Variants in MARCHF6 observed in about 807,000 individuals in gnomAD.
The protein encoded by MARCHF6 is E3 ubiquitin-protein ligase MARCHF6.
A neutral mutation model predicts 133.7 loss-of-function variants in MARCHF6; 31 were observed. The observed-to-expected ratio is 0.23, with a 90% CI of 0.17 to 0.31. MARCHF6 has a LOEUF of 0.31. MARCHF6 is among the 10% of genes least tolerant of loss of function. MARCHF6 has a pLI of 1.00. For missense variants in MARCHF6, 723 were observed against 1,121.6 expected (o/e 0.64, Z 5.08); for synonymous variants, 395 against 402.5 (o/e 0.98, Z 0.22).
intron 1 of MARCHF6, among the ~76,000 whole-genome samples, chr5:10,363,471 T>C (rs891277379): frequency 1.3e-5 from 2 of 152,214 alleles, no homozygotes; most frequent in Non-Finnish European, 2.9e-5. Context: ...CTAGGATGGC[T>C]ATAATCAGAA....
intron 1 of MARCHF6, among the ~76,000 whole-genome samples, chr5:10,354,157 G>A (rs1735292459): frequency 6.6e-6 from 1 of 151,912 alleles, no homozygotes; most frequent in Non-Finnish European, 1.5e-5. Context: ...GCCGGGGCCG[G>A]GGTCGGGGCC....
At chr5:10,360,146 T>TG (rs1467161451) in intron 1 of MARCHF6, among the ~76,000 whole-genome samples, 2 of 139,888 alleles carry the variant, frequency 1.4e-5, no homozygotes, top group African/African-American at 2.7e-5. Context: ...GTGTGTGTGT[T>TG]TTTTTTTTTT....
At chr5:10,393,325 T>A (rs1737986823) in intron 7 of MARCHF6, among the ~76,000 whole-genome samples, 1 of 152,204 alleles carries the variant, frequency 6.6e-6, no homozygotes, top group East Asian at 1.9e-4. Context: ...TCCTCCTGCC[T>A]CAGCCTCCCA....
At chr5:10,407,065 C>T in intron 16 of MARCHF6, 37 bp from the exon 17 acceptor site, 1 of 1,172,376 alleles carries the variant, frequency 8.5e-7, no homozygotes, top group Non-Finnish European at 1.3e-6. Context: ...GAGTGATTGA[C>T]TCTTATAGTG....
In MARCHF6 at chr5:10,399,675, A is replaced by G. The variant is rs575903833; in HGVS notation, c.914-1109A>G. 2.6e-5 allele frequency among the ~76,000 whole-genome samples: 4 copies of G among 152,278 alleles called. No individual in the cohort carries two copies. The South Asian group carries it at 6.2e-4, about 24-fold the overall frequency. ...AGAATTTGGTATTTCCTAATAATCC[A>G]TCATATTCAAACTCTCTGGGTTGTC... On this transcript the variant is annotated intron_variant, in intron 10 of 25. Transcript: ENST00000274140.
intron 5 of MARCHF6, among the ~76,000 whole-genome samples, chr5:10,388,798 C>T (rs1170337964): frequency 1.3e-5 from 2 of 152,174 alleles, no homozygotes; most frequent in Non-Finnish European, 2.9e-5. Context: ...CGCCTCTGTC[C>T]AGGATTCACA....
intron 1 of MARCHF6, among the ~76,000 whole-genome samples, chr5:10,363,896 A>G (rs565068962): frequency 6.6e-6 from 1 of 152,344 alleles, no homozygotes; most frequent in Non-Finnish European, 1.5e-5. Flanking sequence ...TGAAATGTCC[A>G]GAATAGGCAA....
At position 10,399,797 on chromosome 5, in the gene MARCHF6, TA is replaced by T. The variant is rs574918761; in HGVS notation, c.914-985del. The stretch of plus-strand genomic sequence containing the variant: ...GTTAAGTTATAAGTTATTAGTCTTT[TA>T]ATCTAGAGTACTCTTCTCTTTGCTT... On this transcript the variant is annotated intron_variant, in intron 10 of 25. Coordinates refer to ENST00000274140, the MANE Select transcript of MARCHF6 (RefSeq NM_005885.4). 1.7e-4 allele frequency among the ~76,000 whole-genome samples: 26 copies of T among 152,302 alleles called. No homozygotes were observed. The East Asian group carries it at 5.0e-3, about 29-fold the overall frequency.
rs1740711970 is a variant in MARCHF6 at position 10,437,864 on chromosome 5, T to A, written c.*4180T>A. The A allele has an allele frequency of 6.6e-6, 1 of 152,428 alleles. No homozygotes were observed. 9.4% of individuals were successfully genotyped at this position (152,428 alleles called of 1,614,324 possible). A position where few individuals can be genotyped will look rare whatever the true frequency, so the allele number is the denominator to read the frequency against. On this transcript the variant is annotated 3_prime_UTR_variant, in exon 26 of 26. Coordinates refer to ENST00000274140, the MANE Select transcript of MARCHF6 (RefSeq NM_005885.4). ...TGTTAATTGTAGTCTAGTTTTTTTG[T>A]TTGTTTTTGTGTTATTGCAAGATTG...
chr5:10,405,666 A>G lies in MARCHF6; in HGVS notation c.1441A>G (p.Ile481Val). The change falls in exon 16 of 26, where the codon ATT becomes GTT. Residue 481 changes from isoleucine (I) to valine (V), a missense_variant. Ile to Val is a conservative substitution (Grantham distance 29, BLOSUM62 3). This residue lies in a region of MARCHF6 where 492 missense variants were observed against 699.5 expected (regional missense o/e 0.70). Coordinates refer to ENST00000274140, the MANE Select transcript of MARCHF6 (RefSeq NM_005885.4). ...AATATATAGGCATCTCCGAAGATTT[A>G]TTTTGTCAGTGGTAAGAAGATGTTT... is the stretch of plus-strand genomic sequence containing the variant. Reference protein sequence around the residue: ...LPIYRHLRRFILSVIVFGSIV... With the variant: ...LPIYRHLRRFVLSVIVFGSIV... 1 of 1,586,228 alleles carries G rather than the reference A, an allele frequency of 6.3e-7. No individual in the cohort carries two copies.
At chr5:10,408,078 A>C (rs1739015550) in intron 17 of MARCHF6, among the ~76,000 whole-genome samples, 1 of 152,012 alleles carries the variant, frequency 6.6e-6, no homozygotes, top group African/African-American at 2.4e-5. Context: ...TTGCAGGCAA[A>C]TTGGATTATT....
intron 24 of MARCHF6, among the ~76,000 whole-genome samples, chr5:10,427,974 G>A (rs1740177388): frequency 6.6e-6 from 1 of 152,134 alleles, no homozygotes; most frequent in Admixed American, 6.5e-5. Context: ...GCAGGCTGAT[G>A]CAGGAGGATT....
rs1156939698 is a variant in MARCHF6, at chr5:10,360,305, A to T, written c.19+6388A>T. Among the ~76,000 whole-genome samples, 5 of 151,638 alleles carry T rather than the reference A, an allele frequency of 3.3e-5. No individual in the cohort carries two copies. In the South Asian group the frequency reaches 1.0e-3, roughly 32 times the overall value. ...GCTGGGATTACAGGCATGCACCACC[A>T]TGCCTGGCTAATTTTGTATTTTTCG... On this transcript the variant is annotated intron_variant, in intron 1 of 25. Coordinates refer to ENST00000274140, the MANE Select transcript of MARCHF6 (RefSeq NM_005885.4).
intron 1 of MARCHF6, among the ~76,000 whole-genome samples, chr5:10,374,084 TTC>T (rs1218702956): frequency 1.3e-5 from 2 of 151,772 alleles, no homozygotes; most frequent in East Asian, 3.9e-4. Context: ...CTCAATTTGA[TTC>T]TGCAGAGAGA....
chr5:10,407,960 C>G lies in MARCHF6; in HGVS notation c.1553+758C>G, dbSNP rs926799523. Among the ~76,000 whole-genome samples the G allele has an allele frequency of 9.3e-4, 132 of 141,736 alleles. 1 individual carries two copies. The highest frequency in any genetic ancestry group is 1.7e-3 in the Non-Finnish European group (107 of 64,268). 93.0% of individuals were successfully genotyped at this position (141,736 alleles called of 152,430 possible). ...AACAAGAGTGAAACTGCATCCCCCC[C>G]CCCCCAAAAAAAAAAGCCATCCGGA... is the stretch of plus-strand genomic sequence containing the variant. On this transcript the variant is annotated intron_variant, in intron 17 of 25. Transcript: ENST00000274140.
intron 24 of MARCHF6, among the ~76,000 whole-genome samples, chr5:10,428,790 T>C (rs1053338207): frequency 6.6e-6 from 1 of 152,232 alleles, no homozygotes; most frequent in African/African-American, 2.4e-5. Context: ...TAATAGTATA[T>C]AGACTTAAGA....
intron 1 of MARCHF6, among the ~76,000 whole-genome samples, chr5:10,369,613 C>A (rs111857828): frequency 6.2e-4 from 56 of 90,182 alleles, no homozygotes; most frequent in South Asian, 1.9e-3. Context: ...ACCCCCCCCC[C>A]CCCTTGCAAA....
intron 5 of MARCHF6, among the ~76,000 whole-genome samples, chr5:10,389,202 C>T (rs140654295): frequency 7.6e-4 from 115 of 152,162 alleles, no homozygotes; most frequent in African/African-American, 2.7e-3. Context: ...ATTCTGAAAT[C>T]ATAAACATGG....
intron 21 of MARCHF6, among the ~76,000 whole-genome samples, chr5:10,416,953 A>G (rs1245927895): frequency 6.6e-6 from 1 of 152,170 alleles, no homozygotes; most frequent in African/African-American, 2.4e-5. Context: ...GTCCACCTCA[A>G]AGTTCACAGA....
Sources: gnomAD v4.1 joint callset for allele counts (sites outside exome capture counted in the v4.1 genomes callset) on GRCh38, gnomAD v4.1.1 for gene constraint, gnomAD v4.1.1 regional missense constraint, MANE v1.5 for transcripts, NCBI Gene and HGNC (gene_info 2026-07-23, HGNC 2026-07-21) for gene names.